The following PCDHGA12 variants were observed in gnomAD, a reference collection of about 807,000 sequenced individuals.
The protein encoded by PCDHGA12 is protocadherin gamma-A12.
PCDHGA12 carries 43 observed loss-of-function variants against 61.1 expected under a neutral mutation model. The observed-to-expected ratio is 0.70, with a 90% CI of 0.55 to 0.91. The LOEUF (loss-of-function observed/expected upper bound fraction) is 0.91. PCDHGA12 is among the 40% of genes least tolerant of loss of function. PCDHGA12 has a pLI of 0.00. For missense variants in PCDHGA12, 1,236 were observed against 1,227.7 expected (o/e 1.01, Z -0.10); for synonymous variants, 520 against 542.9 (o/e 0.96, Z 0.59).
Position 141,432,405 on chromosome 5 carries a change from GC to G in PCDHGA12, c.1648del (p.Leu550CysfsTer39). On this transcript the variant is annotated frameshift_variant, in exon 1 of 4. Coordinates refer to ENST00000252085, the MANE Select transcript of PCDHGA12 (RefSeq NM_003735.3). LOFTEE classifies it high-confidence loss of function. This position sits in a 1 kb window ranked among gnomAD's most constrained non-coding sequence, Gnocchi z 6.0. The part of the protein sequence containing the change: ...HPPLSSNVSL[S>X]LFVLDQNDNA... ...CCCCTCAGCAGCAACGTGTCGTTGA[GC>G]CTGTTCGTGCTGGACCAGAACGACA... The G allele has an allele frequency of 6.2e-7, 1 of 1,614,246 alleles. No individual in the cohort carries two copies. Among genetic ancestry groups the G allele is most frequent in the South Asian group, 1.1e-5 (1 of 91,084 alleles).
intron 1 of PCDHGA12, among the ~76,000 whole-genome samples, chr5:141,460,951 G>GTATATA (rs200454978): frequency 7.2e-6 from 1 of 139,722 alleles, no homozygotes; most frequent in African/African-American, 2.8e-5. Flanking sequence ...TATGTATTAT[G>GTATATA]TATATATATA....
In PCDHGA12 at chr5:141,476,401, G is replaced by A. The variant is rs772438777; in HGVS notation, c.2425-18406G>A. The A allele has an allele frequency of 1.9e-6, 3 of 1,614,054 alleles. No individual in the cohort carries two copies. Among genetic ancestry groups the A allele is most frequent in the African/African-American group, 2.7e-5 (2 of 74,926 alleles). On this transcript the variant is annotated intron_variant, in intron 1 of 3. Coordinates refer to ENST00000252085, the MANE Select transcript of PCDHGA12 (RefSeq NM_003735.3). This position sits in a 1 kb window ranked among gnomAD's most constrained non-coding sequence, Gnocchi z 7.6. ...TTGTGAACGACCGTCTGGATCGAGA[G>A]GAGCTGTGTGGGACACTGCCCTCTT...
At chr5:141,449,407 G>A (rs1367837385) in intron 1 of PCDHGA12, among the ~76,000 whole-genome samples, 2 of 151,754 alleles carry the variant, frequency 1.3e-5, no homozygotes, top group Non-Finnish European at 2.9e-5. Flanking sequence ...AGGAGTTCAA[G>A]ACCAGCCTGG....
At chr5:141,434,462 C>T (rs2097695951) in intron 1 of PCDHGA12, among the ~76,000 whole-genome samples, 1 of 152,156 alleles carries the variant, frequency 6.6e-6, no homozygotes, top group Non-Finnish European at 1.5e-5. Flanking sequence ...GTGGGTTTAC[C>T]GGAATGAGGG....
intron 2 of PCDHGA12, among the ~76,000 whole-genome samples, chr5:141,499,796 C>T (rs2099794539): frequency 6.6e-6 from 1 of 150,412 alleles, no homozygotes; most frequent in South Asian, 2.1e-4. Context: ...AAGCAATTCT[C>T]ATGCTTCAGC....
At position 141,512,750 on chromosome 5, in the gene PCDHGA12, G is replaced by C. The variant is rs538475261; in HGVS notation, c.*1577G>C. The C allele has an allele frequency of 2.6e-5, 4 of 152,894 alleles. No homozygotes were observed. The highest frequency in any genetic ancestry group is 4.4e-5 in the Non-Finnish European group (3 of 68,656). 9.5% of individuals were successfully genotyped at this position (152,894 alleles called of 1,614,324 possible). ...AGCGGGCGGCGGGCTCCGCGCAGCC[G>C]TCTGTCCTTGATCTGCCCGCGGCGG... On this transcript the variant is annotated 3_prime_UTR_variant, in exon 4 of 4. Coordinates refer to ENST00000252085, the MANE Select transcript of PCDHGA12 (RefSeq NM_003735.3).
chr5:141,438,625 TATATATATATACACAC>T (rs1232816129), intron 1 of PCDHGA12, among the ~76,000 whole-genome samples: 1,472 of 46,190 alleles, frequency 0.032, 16 homozygotes, highest in African/African-American at 0.13. Context: ...TATATATATA[TATATATATATACACAC>T]ACACACACAC....
In PCDHGA12 at chr5:141,490,390, G is replaced by C. The variant is rs2099699651; in HGVS notation, c.2425-4417G>C. The C allele has an allele frequency of 6.2e-7, 1 of 1,614,074 alleles. No individual in the cohort carries two copies. The highest frequency in any genetic ancestry group is 8.5e-7 in the Non-Finnish European group (1 of 1,180,040). On this transcript the variant is annotated intron_variant, in intron 1 of 3. Coordinates refer to ENST00000252085, the MANE Select transcript of PCDHGA12 (RefSeq NM_003735.3). This position sits in a 1 kb window ranked among gnomAD's most constrained non-coding sequence, Gnocchi z 5.4. ...AGACCGGGACTCAGGTAGAAATGGT[G>C]AAGTGAGCCTTGATATCTCTCCGGA... is the stretch of plus-strand genomic sequence containing the variant.
At position 141,486,679 on chromosome 5, in the gene PCDHGA12, A is replaced by G. The variant is rs1416879364; in HGVS notation, c.2425-8128A>G. The G allele has an allele frequency of 6.2e-7, 1 of 1,614,092 alleles. No individual in the cohort carries two copies. The highest frequency in any genetic ancestry group is 1.7e-5 in the Admixed American group (1 of 60,026). On this transcript the variant is annotated intron_variant, in intron 1 of 3. Coordinates refer to ENST00000252085, the MANE Select transcript of PCDHGA12 (RefSeq NM_003735.3). The surrounding 1 kb of genome is among the most constrained non-coding windows in gnomAD (Gnocchi z 5.0). Reference sequence around the variant, plus strand: ...TCCTGGAGCCCAGGAATCGAGATGTATCAGCTTCCTCTTTCATCTCTCTGA... The same window carrying G: ...TCCTGGAGCCCAGGAATCGAGATGTGTCAGCTTCCTCTTTCATCTCTCTGA...
Position 141,489,068 on chromosome 5 carries a change from G to GC in PCDHGA12, c.2425-5736dup. ...CTCAAATTCAGCTCCCCTCCCCCCT[G>GC]CCCACCCCCGCCACTCGGTGACTAA... On this transcript the variant is annotated intron_variant, in intron 1 of 3. Transcript: ENST00000252085. The surrounding 1 kb of genome is among the most constrained non-coding windows in gnomAD (Gnocchi z 4.5). 3 of 291,558 alleles carry GC rather than the reference G, an allele frequency of 1.0e-5. No homozygotes were observed. Among genetic ancestry groups the GC allele is most frequent in the Admixed American group, 5.4e-5 (1 of 18,530 alleles). 18.1% of individuals were successfully genotyped at this position (291,558 alleles called of 1,614,324 possible).
intron 1 of PCDHGA12, among the ~76,000 whole-genome samples, chr5:141,469,492 T>C (rs1233507221): frequency 6.6e-6 from 1 of 152,038 alleles, no homozygotes; most frequent in Non-Finnish European, 1.5e-5. Flanking sequence ...GGAGAATCGC[T>C]TGAACCCGGG....
rs573785314 is a variant in PCDHGA12 at position 141,435,382 on chromosome 5, C to T, written c.2424+2199C>T. 2.0e-5 allele frequency among the ~76,000 whole-genome samples: 3 copies of T among 152,034 alleles called. No homozygotes were observed. In the East Asian group the frequency reaches 5.8e-4, roughly 29 times the overall value. ...TTTATCACTTAAATATACAATATAC[C>T]GTATTGCCATGACGAAAAATGGTAA... On this transcript the variant is annotated intron_variant, in intron 1 of 3. Transcript: ENST00000252085.
chr5:141,475,980 C>G (rs758066578), intron 1 of PCDHGA12: 3 of 1,028,500 alleles, frequency 2.9e-6, no homozygotes, highest in Admixed American at 2.4e-5. Context: ...ACTGAACAGC[C>G]GGCGAGCAAA....
At chr5:141,448,220 G>A (rs750470070) in intron 1 of PCDHGA12, among the ~76,000 whole-genome samples, 9 of 152,148 alleles carry the variant, frequency 5.9e-5, no homozygotes, top group Non-Finnish European at 1.0e-4. Flanking sequence ...GTATGCGAAT[G>A]TATGTGTGGG....
chr5:141,511,537 A>G lies in PCDHGA12; in HGVS notation c.*364A>G. 2 of 319,256 alleles carry G rather than the reference A, an allele frequency of 6.3e-6. No individual in the cohort carries two copies. Among genetic ancestry groups the G allele is most frequent in the South Asian group, 3.3e-5 (1 of 29,854 alleles). 19.8% of individuals were successfully genotyped at this position (319,256 alleles called of 1,614,324 possible). A position where few individuals can be genotyped will look rare whatever the true frequency, so the allele number is the denominator to read the frequency against. On this transcript the variant is annotated 3_prime_UTR_variant, in exon 4 of 4. Coordinates refer to ENST00000252085, the MANE Select transcript of PCDHGA12 (RefSeq NM_003735.3). ...TCCATCCCATGCCTCCCTCCTCCCC[A>G]CCCCACTCCAACAGTTCCTCTTTCC... is the stretch of plus-strand genomic sequence containing the variant.
rs999687684 is a variant in PCDHGA12, at chr5:141,431,598, C to T, written c.839C>T (p.Ser280Phe). 1 of 1,614,192 alleles carries T rather than the reference C, an allele frequency of 6.2e-7. No homozygotes were observed. The highest frequency in any genetic ancestry group is 8.5e-7 in the Non-Finnish European group (1 of 1,180,046). ...DEGVNAEVRY[S>F]FRYVDDKAAQ... ...GGAGTCAATGCGGAAGTGAGGTATT[C>T]CTTCCGGTATGTGGACGACAAGGCG... is the stretch of plus-strand genomic sequence containing the variant. The change falls in exon 1 of 4, where the codon TCC (serine) becomes TTC (phenylalanine). Residue 280 changes from serine (S) to phenylalanine (F), a missense_variant. By Grantham distance (155) the Ser-to-Phe change is radical. Coordinates refer to ENST00000252085, the MANE Select transcript of PCDHGA12 (RefSeq NM_003735.3). This position sits in a 1 kb window ranked among gnomAD's most constrained non-coding sequence, Gnocchi z 4.8.
At position 141,477,966 on chromosome 5, in the gene PCDHGA12, G is replaced by T; in HGVS notation, c.2425-16841G>T. 1 of 1,614,118 alleles carries T rather than the reference G, an allele frequency of 6.2e-7. No individual in the cohort carries two copies. The highest frequency in any genetic ancestry group is 8.5e-7 in the Non-Finnish European group (1 of 1,180,036). On this transcript the variant is annotated intron_variant, in intron 1 of 3. Coordinates refer to ENST00000252085, the MANE Select transcript of PCDHGA12 (RefSeq NM_003735.3). This position sits in a 1 kb window ranked among gnomAD's most constrained non-coding sequence, Gnocchi z 4.9. ...AGTCTCTTGGGATCCCCTAACCAGA[G>T]CCTTTTTGCCATAGGGCTGCACACT...
rs775654786 is a variant in PCDHGA12 at position 141,491,718 on chromosome 5, G to A, written c.2425-3089G>A. Reference sequence around the variant, plus strand: ...GGAGCCAGGTGAGGGGCTCGGCGCCGCCCCGGGCGACCCCTGGGGGCGGCA... The same window carrying A: ...GGAGCCAGGTGAGGGGCTCGGCGCCACCCCGGGCGACCCCTGGGGGCGGCA... On this transcript the variant is annotated intron_variant, in intron 1 of 3. Coordinates refer to ENST00000252085, the MANE Select transcript of PCDHGA12 (RefSeq NM_003735.3). This position sits in a 1 kb window ranked among gnomAD's most constrained non-coding sequence, Gnocchi z 6.9. 1 of 1,607,600 alleles carries A rather than the reference G, an allele frequency of 6.2e-7. No homozygotes were observed. The highest frequency in any genetic ancestry group is 2.2e-5 in the East Asian group (1 of 44,690).
intron 1 of PCDHGA12, among the ~76,000 whole-genome samples, chr5:141,442,846 C>T (rs1489647686): frequency 2.6e-5 from 4 of 152,234 alleles, no homozygotes; most frequent in Non-Finnish European, 4.4e-5. Context: ...AAATCTTGGC[C>T]ATTGTAGTAT....
Sources: gnomAD v4.1 joint callset for allele counts (sites outside exome capture counted in the v4.1 genomes callset) on GRCh38, gnomAD v4.1.1 for gene constraint, Gnocchi (gnomAD v3.1) non-coding constraint, MANE v1.5 for transcripts, NCBI Gene and HGNC (gene_info 2026-07-23, HGNC 2026-07-21) for gene names.